The following ZFHX3 variants were observed in gnomAD, a reference collection of about 807,000 sequenced individuals.
The protein encoded by ZFHX3 is zinc finger homeobox protein 3.
A neutral mutation model predicts 279.1 loss-of-function variants in ZFHX3; 42 were observed. The ratio of observed to expected loss-of-function variants is 0.15; its 90% CI spans 0.12 to 0.19. The LOEUF is 0.19. Among genes scored for constraint, ZFHX3 ranks in the 10% least tolerant of loss-of-function variants. The probability of loss-of-function intolerance (pLI) is 1.00; values close to 1 mark genes in which losing one functional copy is unlikely to be tolerated. For synonymous variants in ZFHX3, 2,293 were observed against 1,957.8 expected, an observed-to-expected ratio of 1.17 and a Z score of -4.52; for missense variants, 4,981 against 4,754.0, an observed-to-expected ratio of 1.05 and a Z score of -1.40.
intron 3 of ZFHX3, among the ~76,000 whole-genome samples, chr16:73,436,262 G>A (rs1304006391): frequency 2.6e-5 from 4 of 152,148 alleles, no homozygotes; most frequent in Admixed American, 2.6e-4. Context: ...TGGAGGTTGT[G>A]GTAAGCCAAG....
In ZFHX3 at chr16:73,687,815, T is replaced by TCCTAACTG. The variant is rs1555532490; in HGVS notation, c.-1607-7576_-1607-7575insCAGTTAGG. Among the ~76,000 whole-genome samples the TCCTAACTG allele has an allele frequency of 3.0e-5, 4 of 134,704 alleles. No individual in the cohort carries two copies. In the South Asian group the frequency reaches 7.4e-4, roughly 25 times the overall value. 88.4% of individuals were successfully genotyped at this position (134,704 alleles called of 152,430 possible). A position where few individuals can be genotyped will look rare whatever the true frequency, so the allele number is the denominator to read the frequency against. On this transcript the variant is annotated intron_variant, in intron 1 of 17. Transcript: ENST00000641206. Reference sequence around the variant, plus strand: ...GTGAGCCGAGATTGTGCCACTGCACTCCAAACTGGTGACAGAGCAAGACTC... The same window carrying TCCTAACTG: ...GTGAGCCGAGATTGTGCCACTGCACTCCTAACTGCCAAACTGGTGACAGAGCAAGACTC...
chr16:73,402,145 T>A (rs984495637), intron 3 of ZFHX3: 2 of 152,250 alleles, frequency 1.3e-5, no homozygotes, highest in African/African-American at 2.4e-5. Flanking sequence ...GGGTTATCTT[T>A]GTTTCTTTGT....
chr16:73,222,415 A>G (rs1388706101), intron 5 of ZFHX3, among the ~76,000 whole-genome samples: 1 of 152,132 alleles, frequency 6.6e-6, no homozygotes, highest in Non-Finnish European at 1.5e-5. Context: ...TCACTCTCCT[A>G]TATACCAGCA....
At chr16:73,576,259 A>G (rs1160656175) in intron 2 of ZFHX3, among the ~76,000 whole-genome samples, 1 of 152,232 alleles carries the variant, frequency 6.6e-6, no homozygotes, top group Non-Finnish European at 1.5e-5. Context: ...ACATCAATCA[A>G]GAGCCTTCAT....
chr16:73,185,190 G>A (rs762721362), intron 5 of ZFHX3, among the ~76,000 whole-genome samples: 8 of 152,174 alleles, frequency 5.3e-5, no homozygotes, highest in East Asian at 1.9e-4. Flanking sequence ...CTTTATAAGA[G>A]CCATATTAGA....
intron 1 of ZFHX3, among the ~76,000 whole-genome samples, chr16:73,739,177 C>G (rs1490855487): frequency 2.0e-5 from 3 of 152,210 alleles, no homozygotes; most frequent in Non-Finnish European, 4.4e-5. Context: ...TTCCAAACAC[C>G]AAAGCAGTTT....
At chr16:73,265,015 C>CATATAT (rs59599339) in intron 4 of ZFHX3, among the ~76,000 whole-genome samples, 24,693 of 141,896 alleles carry the variant, frequency 0.17, 2,493 homozygotes, top group Middle Eastern at 0.42. Context: ...CACCTCAGTG[C>CATATAT]ATATATATAT....
intron 4 of ZFHX3, among the ~76,000 whole-genome samples, chr16:73,315,089 G>C (rs2015414296): frequency 6.6e-6 from 1 of 152,096 alleles, no homozygotes; most frequent in Non-Finnish European, 1.5e-5. Context: ...TTAGTTGGAT[G>C]TGGTGGGGTG....
At chr16:73,718,285 C>T (rs1353413607) in intron 1 of ZFHX3, among the ~76,000 whole-genome samples, 1 of 152,110 alleles carries the variant, frequency 6.6e-6, no homozygotes, top group East Asian at 1.9e-4. Context: ...GTGGCAGGCA[C>T]CTGTAATCCC....
At chr16:73,176,580 T>G (rs1213010631) in intron 5 of ZFHX3, among the ~76,000 whole-genome samples, 1 of 151,998 alleles carries the variant, frequency 6.6e-6, no homozygotes, top group Non-Finnish European at 1.5e-5. Flanking sequence ...TTTTATTATT[T>G]ATTGATTGAT....
At chr16:73,493,100 A>G (rs1434319366) in intron 2 of ZFHX3, among the ~76,000 whole-genome samples, 1 of 152,010 alleles carries the variant, frequency 6.6e-6, no homozygotes, top group Non-Finnish European at 1.5e-5. Context: ...GTCTGCCCGT[A>G]TCCACCTCTC....
chr16:73,633,035 C>T (rs912447232), intron 2 of ZFHX3, among the ~76,000 whole-genome samples: 2 of 152,176 alleles, frequency 1.3e-5, no homozygotes, highest in Admixed American at 1.3e-4. Flanking sequence ...GCTGGGATCG[C>T]ACCACTGCAC....
intron 3 of ZFHX3, among the ~76,000 whole-genome samples, chr16:73,449,041 A>T (rs1273108271): frequency 6.6e-6 from 1 of 152,176 alleles, no homozygotes; most frequent in African/African-American, 2.4e-5. Flanking sequence ...ATATAATTGC[A>T]ACACTGAAAT....
chr16:73,221,605 G>GA (rs573777607), intron 5 of ZFHX3, among the ~76,000 whole-genome samples: 35 of 149,276 alleles, frequency 2.3e-4, no homozygotes, highest in African/African-American at 5.6e-4. Flanking sequence ...AAAAACTATC[G>GA]AAAAAAAAAT....
chr16:73,223,477 G>A (rs555758329), intron 5 of ZFHX3, among the ~76,000 whole-genome samples: 1 of 152,228 alleles, frequency 6.6e-6, no homozygotes, highest in South Asian at 2.1e-4. Flanking sequence ...GATGCTCCAT[G>A]TCATATATCA....
chr16:73,263,763 G>A (rs1284498152), intron 4 of ZFHX3, among the ~76,000 whole-genome samples: 1 of 152,186 alleles, frequency 6.6e-6, no homozygotes, highest in Non-Finnish European at 1.5e-5. Context: ...CCCTGTTACT[G>A]GGTATGCCAA....
chr16:73,140,460 AG>A (rs551952025), intron 6 of ZFHX3, among the ~76,000 whole-genome samples: 123 of 152,286 alleles, frequency 8.1e-4, no homozygotes, highest in Non-Finnish European at 1.5e-3. Context: ...CAGTGCTCTC[AG>A]GGAAGTCTGG....
intron 1 of ZFHX3, among the ~76,000 whole-genome samples, chr16:73,749,531 AT>A (rs1567397448): frequency 6.6e-6 from 1 of 152,116 alleles, no homozygotes; most frequent in Admixed American, 6.5e-5. Flanking sequence ...CTTCATCTCT[AT>A]TTTTTTGTTA....
chr16:73,140,328 C>A (rs1966844210), intron 6 of ZFHX3, among the ~76,000 whole-genome samples: 1 of 152,134 alleles, frequency 6.6e-6, no homozygotes, highest in Non-Finnish European at 1.5e-5. Flanking sequence ...CCATCCGTAT[C>A]TTGTGTAGGG....
Sources: allele counts gnomAD v4.1 joint callset (sites outside exome capture counted in the v4.1 genomes callset), GRCh38; gene constraint gnomAD v4.1.1; transcripts MANE v1.5; gene names NCBI Gene and HGNC (gene_info 2026-07-23, HGNC 2026-07-21).